ANO3: variants seen among roughly 807,000 people sequenced by gnomAD.
The protein encoded by ANO3 is anoctamin 3, also known as anoctamin-3.
In ANO3, 99 loss-of-function variants were observed where a neutral mutation model predicts 144.8. The observed-to-expected ratio is 0.68, with a 90% CI of 0.58 to 0.81. The LOEUF (loss-of-function observed/expected upper bound fraction) is 0.81. Among genes scored for constraint, ANO3 ranks in the 30% least tolerant of loss-of-function variants. The pLI, the probability that ANO3 is intolerant of heterozygous loss-of-function variation, is 0.00. For synonymous variants in ANO3, 414 were observed against 392.6 expected, an observed-to-expected ratio of 1.05 and a Z score of -0.64; for missense variants, 905 against 1,202.2, an observed-to-expected ratio of 0.75 and a Z score of 3.66.
chr11:26,213,576 T>C (rs906688560), intron 1 of ANO3, among the ~76,000 whole-genome samples: 14 of 152,162 alleles, frequency 9.2e-5, no homozygotes, highest in African/African-American at 2.9e-4. Flanking sequence ...ACAAGGGATG[T>C]GAAGGATGTC....
chr11:26,451,090 C>T (rs1464957396), intron 3 of ANO3, among the ~76,000 whole-genome samples: 1 of 152,104 alleles, frequency 6.6e-6, no homozygotes, highest in Non-Finnish European at 1.5e-5. Context: ...AGAAAACAGA[C>T]TTATAGGGGA....
At chr11:26,609,831 G>A (rs1414914136) in intron 17 of ANO3, among the ~76,000 whole-genome samples, 4 of 152,122 alleles carry the variant, frequency 2.6e-5, no homozygotes, top group Non-Finnish European at 5.9e-5. Flanking sequence ...TTTCCACAGT[G>A]GCTATACTAA....
At chr11:26,423,755 T>C (rs1225398817) in intron 1 of ANO3, among the ~76,000 whole-genome samples, 1 of 151,992 alleles carries the variant, frequency 6.6e-6, no homozygotes, top group East Asian at 1.9e-4. Flanking sequence ...TGCTTAAAAT[T>C]TGTGTGTTAT....
intron 1 of ANO3, chr11:26,286,127 A>G (rs1021707674): frequency 1.3e-5 from 2 of 152,204 alleles, no homozygotes; most frequent in African/African-American, 4.8e-5. Context: ...TGTCTTCCAT[A>G]TGAAAATAAG....
intron 4 of ANO3, among the ~76,000 whole-genome samples, chr11:26,473,538 GA>G (rs200130822): frequency 4.7e-5 from 7 of 150,416 alleles, no homozygotes; most frequent in Middle Eastern, 3.4e-3. Flanking sequence ...TTTAAAACCA[GA>G]AAAAAAAATT....
intron 5 of ANO3, among the ~76,000 whole-genome samples, chr11:26,513,628 G>A (rs1484702588): frequency 1.3e-5 from 2 of 152,080 alleles, no homozygotes; most frequent in Admixed American, 6.6e-5. Context: ...GTTTAAAAGC[G>A]AATGAGACCT....
At chr11:26,295,855 T>C (rs10742136) in intron 1 of ANO3, among the ~76,000 whole-genome samples, 150,446 of 152,282 alleles carry the variant, frequency 0.99, 74,343 homozygotes, top group Non-Finnish European at 1. Context: ...ACCTATGTTG[T>C]CACCCTTTTT....
chr11:26,225,673 T>C (rs1170427637), intron 1 of ANO3, among the ~76,000 whole-genome samples: 6 of 152,192 alleles, frequency 3.9e-5, no homozygotes, highest in Non-Finnish European at 5.9e-5. Context: ...AGGATTAATG[T>C]CAAATCTGGA....
At chr11:26,507,258 T>C (rs1861471188) in intron 4 of ANO3, among the ~76,000 whole-genome samples, 1 of 152,188 alleles carries the variant, frequency 6.6e-6, no homozygotes, top group African/African-American at 2.4e-5. Context: ...GTCTAAGTAG[T>C]GTTTTAGAAG....
At chr11:26,595,932 G>A (rs7932168) in intron 14 of ANO3, among the ~76,000 whole-genome samples, 44,049 of 152,060 alleles carry the variant, frequency 0.29, 6,742 homozygotes, top group South Asian at 0.46. Flanking sequence ...GACAGTTGCC[G>A]CTACCAATTG....
chr11:26,348,864 G>C (rs1171563382), intron 1 of ANO3, among the ~76,000 whole-genome samples: 1 of 152,160 alleles, frequency 6.6e-6, no homozygotes, highest in Non-Finnish European at 1.5e-5. Context: ...ACACTGACGG[G>C]GTGTACACCA....
chr11:26,511,080 T>C (rs1003916989), intron 5 of ANO3, among the ~76,000 whole-genome samples: 4 of 152,190 alleles, frequency 2.6e-5, no homozygotes, highest in Non-Finnish European at 5.9e-5. Context: ...TTAAATAAAT[T>C]GCCAGGACAG....
chr11:26,471,076 T>C (rs989967251), intron 4 of ANO3, among the ~76,000 whole-genome samples: 1 of 151,970 alleles, frequency 6.6e-6, no homozygotes, highest in African/African-American at 2.4e-5. Flanking sequence ...TAATTTAAGT[T>C]TCACAATAAT....
rs368415624 is a variant in ANO3, at chr11:26,563,148, T to G, written c.1447+3369T>G. On this transcript the variant is annotated intron_variant, in intron 14 of 26. Transcript: ENST00000256737. Reference sequence around the variant, plus strand: ...ATTTCTGTCGTCATAAAGTCGCCGATGGGAAAATGAATCCGTTTTCCTTTT... The same window carrying G: ...ATTTCTGTCGTCATAAAGTCGCCGAGGGGAAAATGAATCCGTTTTCCTTTT... The G allele has an allele frequency of 4.2e-5, 67 of 1,612,252 alleles. No individual in the cohort carries two copies. The highest frequency in any genetic ancestry group is 9.4e-5 in the African/African-American group (7 of 74,808).
chr11:26,390,322 G>A (rs7940515), intron 1 of ANO3, among the ~76,000 whole-genome samples: 40,269 of 151,682 alleles, frequency 0.27, 5,970 homozygotes, highest in African/African-American at 0.4. Context: ...CTTTTAGAGG[G>A]AAAATTGTTC....
chr11:26,307,346 C>T (rs1483450455), upstream of ANO3, among the ~76,000 whole-genome samples: 1 of 151,818 alleles, frequency 6.6e-6, no homozygotes, highest in African/African-American at 2.4e-5. Flanking sequence ...AAGAGCAAAA[C>T]TCTGTCTCAA....
chr11:26,404,851 ATTAAG>A (rs1415318075), intron 1 of ANO3, among the ~76,000 whole-genome samples: 1 of 151,654 alleles, frequency 6.6e-6, no homozygotes, highest in Non-Finnish European at 1.5e-5. Flanking sequence ...GTACAGTGGA[ATTAAG>A]TTTTCAAGAT....
intron 3 of ANO3, among the ~76,000 whole-genome samples, chr11:26,445,484 G>A (rs758910582): frequency 4.0e-5 from 6 of 151,874 alleles, no homozygotes; most frequent in Non-Finnish European, 7.4e-5. Flanking sequence ...TTGGATGCTC[G>A]TAACTTTATG....
At chr11:26,465,821 G>T (rs2134062563) in intron 4 of ANO3, among the ~76,000 whole-genome samples, 1 of 152,032 alleles carries the variant, frequency 6.6e-6, no homozygotes, top group Non-Finnish European at 1.5e-5. Flanking sequence ...TCTGAGTTGA[G>T]TTGGGGTAGT....
Sources: allele counts gnomAD v4.1 joint callset (sites outside exome capture counted in the v4.1 genomes callset), GRCh38; gene constraint gnomAD v4.1.1; transcripts MANE v1.5; gene names NCBI Gene and HGNC (gene_info 2026-07-23, HGNC 2026-07-21).